The following LIN54 variants were observed in gnomAD, a reference collection of about 807,000 sequenced individuals.
LIN54 encodes protein lin-54 homolog.
Under a neutral mutation model 78.7 loss-of-function variants are expected in LIN54, and 9 were observed. The ratio of observed to expected loss-of-function variants is 0.11; its 90% CI spans 0.07 to 0.20. LIN54 has a LOEUF of 0.20. LIN54 is among the 10% of genes least tolerant of loss of function. The pLI is 1.00. For synonymous variants in LIN54, 269 were observed against 318.4 expected (o/e 0.84, Z 1.65); for missense variants, 573 against 889.9 (o/e 0.64, Z 4.53).
chr4:82,960,056 C>CA (rs1724661409), intron 4 of LIN54, among the ~76,000 whole-genome samples: 1 of 152,128 alleles, frequency 6.6e-6, no homozygotes, highest in African/African-American at 2.4e-5. Flanking sequence ...GGAAATTTAT[C>CA]AAAAAAGCTT....
At chr4:82,948,226 G>A (rs1034066835) in intron 4 of LIN54, among the ~76,000 whole-genome samples, 1 of 152,100 alleles carries the variant, frequency 6.6e-6, no homozygotes, top group African/African-American at 2.4e-5. Flanking sequence ...AGTACATTAG[G>A]AAACAAGGTG....
rs554713659 is a variant in LIN54, at chr4:82,997,226, C to T, written c.-32-12350G>A. On this transcript the variant is annotated intron_variant, in intron 1 of 12. Coordinates refer to ENST00000340417, the MANE Select transcript of LIN54 (RefSeq NM_194282.4). ...TATTTACATTGGACTTTGAAAATAA[C>T]TTTTGTCAATTTGAGTAGGATAGGT... is the stretch of plus-strand genomic sequence containing the variant. Among the ~76,000 whole-genome samples the T allele has an allele frequency of 6.6e-5, 10 of 152,140 alleles. No homozygotes were observed. In the South Asian group the frequency reaches 2.1e-3, roughly 32 times the overall value.
At position 82,974,142 on chromosome 4, in the gene LIN54, G is replaced by A. The variant is rs577410890; in HGVS notation, c.809-3673C>T. ...AGAGAATGGCGTGAACCCAGGAGGC[G>A]GAGCTTGCAGTGAGCCGAGATCGCA... is the stretch of plus-strand genomic sequence containing the variant. On this transcript the variant is annotated intron_variant, in intron 3 of 12. Transcript: ENST00000340417. 1.3e-3 allele frequency among the ~76,000 whole-genome samples: 202 copies of A among 151,634 alleles called. 1 individual carries two copies. The highest frequency in any genetic ancestry group is 2.2e-3 in the Non-Finnish European group (148 of 67,884).
At chr4:82,956,562 C>T (rs1724349649) in intron 4 of LIN54, among the ~76,000 whole-genome samples, 1 of 152,022 alleles carries the variant, frequency 6.6e-6, no homozygotes, top group Non-Finnish European at 1.5e-5. Flanking sequence ...CTGCAGTGAG[C>T]TGTGATCGCA....
At chr4:82,998,592 A>G (rs564285524) in intron 1 of LIN54, among the ~76,000 whole-genome samples, 2 of 152,088 alleles carry the variant, frequency 1.3e-5, no homozygotes, top group African/African-American at 4.8e-5. Flanking sequence ...AGAGAAAGAA[A>G]AGAGAGAAAG....
intron 3 of LIN54, among the ~76,000 whole-genome samples, chr4:82,975,126 G>C (rs1726054798): frequency 6.6e-6 from 1 of 152,114 alleles, no homozygotes; most frequent in African/African-American, 2.4e-5. Context: ...GGAAGGCTGA[G>C]GCAGGTGGAT....
At chr4:82,956,770 TG>T (rs10719070) in intron 4 of LIN54, among the ~76,000 whole-genome samples, 65,174 of 151,056 alleles carry the variant, frequency 0.43, 16,870 homozygotes, top group Admixed American at 0.58. Flanking sequence ...GGTGGAGGGG[TG>T]GGAGGAGTCT....
chr4:83,011,345 T>C (rs989978933), upstream of LIN54, among the ~76,000 whole-genome samples: 1 of 152,200 alleles, frequency 6.6e-6, no homozygotes, highest in African/African-American at 2.4e-5. Context: ...GTGGTCAAAA[T>C]ATCTAATTTA....
intron 2 of LIN54, among the ~76,000 whole-genome samples, chr4:82,983,923 T>C (rs1191557292): frequency 6.6e-6 from 1 of 152,226 alleles, no homozygotes; most frequent in Non-Finnish European, 1.5e-5. Context: ...TAAAAGGCTA[T>C]AAATATACTA....
At chr4:82,943,914 G>GCTGCACC (rs1292152958) in intron 5 of LIN54, among the ~76,000 whole-genome samples, 5 of 147,950 alleles carry the variant, frequency 3.4e-5, no homozygotes, top group Non-Finnish European at 1.5e-5. Flanking sequence ...TGTTGCCCAG[G>GCTGCACC]CTGGAGTGCA....
intron 9 of LIN54, among the ~76,000 whole-genome samples, chr4:82,936,615 C>T (rs1173272098): frequency 6.6e-6 from 1 of 152,040 alleles, no homozygotes; most frequent in Non-Finnish European, 1.5e-5. Flanking sequence ...TTAGTCCAAC[C>T]AATAACAGCT....
At chr4:82,958,672 T>C (rs1724536169) in intron 4 of LIN54, among the ~76,000 whole-genome samples, 1 of 152,198 alleles carries the variant, frequency 6.6e-6, no homozygotes, top group Admixed American at 6.5e-5. Context: ...GTTTTAATTT[T>C]TTTAAATTTA....
chr4:82,942,969 T>G (rs1443945707), intron 5 of LIN54, among the ~76,000 whole-genome samples: 1 of 150,086 alleles, frequency 6.7e-6, no homozygotes, highest in African/African-American at 2.4e-5. Flanking sequence ...GCATACTGAG[T>G]TTTCACTGAA....
At chr4:82,968,043 G>GT (rs371267602) in intron 4 of LIN54, among the ~76,000 whole-genome samples, 4,127 of 144,186 alleles carry the variant, frequency 0.029, 51 homozygotes, top group Non-Finnish European at 0.038. Flanking sequence ...TTTGTTTTTT[G>GT]TTTTTTTTTT....
chr4:82,982,443 T>C (rs2126084983), intron 2 of LIN54, among the ~76,000 whole-genome samples: 1 of 152,336 alleles, frequency 6.6e-6, no homozygotes, highest in East Asian at 1.9e-4. Flanking sequence ...TTGCCCAGGC[T>C]GGTCTCGAAC....
At chr4:82,988,954 C>T (rs895018523) in intron 1 of LIN54, among the ~76,000 whole-genome samples, 10 of 151,880 alleles carry the variant, frequency 6.6e-5, no homozygotes, top group South Asian at 2.1e-4. Flanking sequence ...TTTGGGAGGC[C>T]GAAGCAGGCA....
rs1179588372 is a variant in LIN54, at chr4:82,924,800, T to C, written c.*3302A>G. The C allele has an allele frequency of 6.6e-6, 1 of 152,420 alleles. No individual in the cohort carries two copies. The highest frequency in any genetic ancestry group is 1.5e-5 in the Non-Finnish European group (1 of 68,028). The allele number at this position is 152,420 out of a possible 1,614,324, so 9.4% of individuals were successfully genotyped here. A position where few individuals can be genotyped will look rare whatever the true frequency, so the allele number is the denominator to read the frequency against. On this transcript the variant is annotated 3_prime_UTR_variant, in exon 13 of 13. Transcript: ENST00000340417. ...CCAATAGAAAGGGATTTTTAGTTGA[T>C]TGCCTTCCCTTCTGCTTTGGGTAGC...
chr4:82,935,987 G>A lies in LIN54; in HGVS notation c.1839C>T (p.Cys613=). Residue 613 remains cysteine, a synonymous_variant, in exon 11 of 13, where the codon TGC becomes TGT. Transcript: ENST00000340417. ...TCCGCACCCAGCATCTCACCTCATA[G>A]CATTCACAGTAGTTTTTAAGACATC... The part of the protein sequence containing the change: ...RSGCLKNYCE[C]YEAKIMCSSI... 8 of 1,613,862 alleles carry A rather than the reference G, an allele frequency of 5.0e-6. No homozygotes were observed. The highest frequency in any genetic ancestry group is 6.8e-6 in the Non-Finnish European group (8 of 1,179,790).
chr4:82,980,218 A>ACAGCTT (rs1483461310), intron 2 of LIN54, among the ~76,000 whole-genome samples: 1 of 152,154 alleles, frequency 6.6e-6, no homozygotes, highest in Non-Finnish European at 1.5e-5. Context: ...ATACAAAGAC[A>ACAGCTT]CAGCTTCTTC....
Sources: gnomAD v4.1 joint callset for allele counts (sites outside exome capture counted in the v4.1 genomes callset) on GRCh38, gnomAD v4.1.1 for gene constraint, MANE v1.5 for transcripts, NCBI Gene and HGNC (gene_info 2026-07-23, HGNC 2026-07-21) for gene names.